The following CEACAM8 variants were observed in gnomAD, a reference collection of about 807,000 sequenced individuals.
CEACAM8 encodes cell adhesion molecule CEACAM8.
A neutral mutation model predicts 33.4 loss-of-function variants in CEACAM8; 31 were observed. The observed-to-expected ratio is 0.93, with a 90% CI of 0.70 to 1.25. CEACAM8 has a LOEUF of 1.25. Among genes scored for constraint, CEACAM8 ranks in the 50% most tolerant of loss-of-function variants. The pLI, the probability that CEACAM8 is intolerant of heterozygous loss-of-function variation, is 0.00. For missense variants in CEACAM8, 388 were observed against 434.6 expected, an observed-to-expected ratio of 0.89 and a Z score of 0.95; for synonymous variants, 138 against 164.5, an observed-to-expected ratio of 0.84 and a Z score of 1.23.
chr19:42,591,061 A>G (rs2042430123), intron 2 of CEACAM8, among the ~76,000 whole-genome samples: 1 of 152,194 alleles, frequency 6.6e-6, no homozygotes, highest in Non-Finnish European at 1.5e-5. Flanking sequence ...AAAATGTGGA[A>G]TTTTGGAGCA....
In CEACAM8 at chr19:42,593,541, G is replaced by T. The variant is rs146875157; in HGVS notation, c.424C>A (p.Pro142Thr). ...EEVTGQFSVH[P>T]ETPKPSISSN... Reference sequence around the variant, plus strand: ...CCAGAGGTCATGGGGAATCACTCACGATGTACGCTGAACTGGCCAGTTACT... The same window carrying T: ...CCAGAGGTCATGGGGAATCACTCACTATGTACGCTGAACTGGCCAGTTACT... The change falls in exon 2 of 6, where the codon CCG becomes ACG. Residue 142 changes from proline (P) to threonine (T), a missense_variant and splice_region_variant. Pro to Thr is a conservative substitution (Grantham distance 38). Transcript: ENST00000244336. The T allele has an allele frequency of 1.9e-4, 294 of 1,557,044 alleles. No individual in the cohort carries two copies. Among genetic ancestry groups the T allele is most frequent in the Admixed American group, 5.5e-5 (3 of 54,646 alleles).
rs560720383 is a variant in CEACAM8 at position 42,588,294 on chromosome 19, T to C, written c.958+490A>G. 9.8e-5 allele frequency among the ~76,000 whole-genome samples: 15 copies of C among 152,296 alleles called. No homozygotes were observed. In the South Asian group the frequency reaches 2.5e-3, roughly 25 times the overall value. ...AGGGCAGGGCCTGTCACCAGGGAGC[T>C]GGGAGCAGAGATGGGAGCAGTCTGA... is the stretch of plus-strand genomic sequence containing the variant. On this transcript the variant is annotated intron_variant, in intron 4 of 5. Coordinates refer to ENST00000244336, the MANE Select transcript of CEACAM8 (RefSeq NM_001816.4).
Position 42,581,180 on chromosome 19 carries a change from C to G in CEACAM8, c.*214G>C, listed in dbSNP as rs560765944. 3 of 151,872 alleles carry G rather than the reference C, an allele frequency of 2.0e-5. No individual in the cohort carries two copies. The highest frequency in any genetic ancestry group is 7.2e-5 in the African/African-American group (3 of 41,380). The allele number at this position is 151,872 out of a possible 1,614,324, so 9.4% of individuals were successfully genotyped here. A position where few individuals can be genotyped will look rare whatever the true frequency, so the allele number is the denominator to read the frequency against. On this transcript the variant is annotated 3_prime_UTR_variant, in exon 6 of 6. Transcript: ENST00000244336. ...TTCTGTGTTTTGGTGGGCAACTTCA[C>G]AAAGGTATCAGCCTGTTTGCAAGTT...
intron 4 of CEACAM8, among the ~76,000 whole-genome samples, chr19:42,587,605 A>G (rs2042357755): frequency 6.6e-6 from 1 of 152,200 alleles, no homozygotes; most frequent in South Asian, 2.1e-4. Context: ...AAGGAGTGAG[A>G]GTTACTCTTT....
rs2042283669 is a variant in CEACAM8 at position 42,583,248 on chromosome 19, A to G, written c.1048T>C (p.Ter350GlnextTer1). 4 of 1,598,738 alleles carry G rather than the reference A, an allele frequency of 2.5e-6. No homozygotes were observed. Among genetic ancestry groups the G allele is most frequent in the Non-Finnish European group, 3.4e-6 (4 of 1,168,052 alleles). ...ATGCAGAAACTACACCAGAGCTACT[A>G]TATCAGAGCCACCCTGGCCAGTACT... is the stretch of plus-strand genomic sequence containing the variant. Reference protein sequence around the residue: ...IGVLARVALI* With the variant: ...IGVLARVALIQ The change falls in exon 5 of 6, where the codon TAG (stop) becomes CAG (glutamine). Residue 350 changes from the stop codon to glutamine (Q), a stop_lost. Transcript: ENST00000244336.
chr19:42,589,911 G>A (rs1291776693), intron 2 of CEACAM8, among the ~76,000 whole-genome samples, 176 bp from the exon 3 acceptor site: 10 of 152,204 alleles, frequency 6.6e-5, no homozygotes, highest in African/African-American at 1.9e-4. Context: ...GAGACCATGA[G>A]GCCGCCTTCT....
At chr19:42,584,285 A>T (rs1264882104) in intron 4 of CEACAM8, among the ~76,000 whole-genome samples, 5 of 152,084 alleles carry the variant, frequency 3.3e-5, no homozygotes, top group Non-Finnish European at 5.9e-5. Context: ...GGCCCTCACC[A>T]GTCAACTCAG....
In CEACAM8 at chr19:42,588,922, T is replaced by C; in HGVS notation, c.820A>G (p.Asn274Asp). ...NPPSQYSWSV[N>D]GTFQQYTQKL... ...TGTGTGTATTGCTGGAATGTGCCAT[T>C]GACAGACCAAGAATACTGTGAGGGT... Residue 274 changes from asparagine (N) to aspartate (D), a missense_variant, in exon 4 of 6, where the codon AAT (asparagine) becomes GAT (aspartate). Physicochemically the swap from Asn to Asp is conservative, Grantham distance 23. Transcript: ENST00000244336. 6.2e-7 allele frequency: 1 copy of C among 1,614,178 alleles called. No individual in the cohort carries two copies. Among genetic ancestry groups the C allele is most frequent in the East Asian group, 2.2e-5 (1 of 44,880 alleles).
chr19:42,582,665 G>A (rs1194217545), intron 5 of CEACAM8, among the ~76,000 whole-genome samples: 4 of 152,148 alleles, frequency 2.6e-5, no homozygotes, highest in African/African-American at 7.2e-5. Flanking sequence ...TAGATGCGCA[G>A]GGAAGTGTAG....
chr19:42,594,884 T>A lies in CEACAM8; in HGVS notation c.-56A>T. The stretch of plus-strand genomic sequence containing the variant: ...GGAGATGAGCCTGGGATCCAGAAAC[T>A]TTCTGAGCACGGCTGTCAGCTGTGC... On this transcript the variant is annotated 5_prime_UTR_variant, in exon 1 of 6. The change creates a new upstream start codon in the 5' untranslated region. Coordinates refer to ENST00000244336, the MANE Select transcript of CEACAM8 (RefSeq NM_001816.4). 6.4e-7 allele frequency: 1 copy of A among 1,563,148 alleles called. No homozygotes were observed. Among genetic ancestry groups the A allele is most frequent in the Admixed American group, 1.8e-5 (1 of 55,136 alleles).
At chr19:42,584,036 C>G (rs1276233370) in intron 4 of CEACAM8, among the ~76,000 whole-genome samples, 1 of 152,206 alleles carries the variant, frequency 6.6e-6, no homozygotes, top group Non-Finnish European at 1.5e-5. Context: ...TCTTGCGTGT[C>G]TAATCTCATC....
At position 42,592,370 on chromosome 19, in the gene CEACAM8, C is replaced by T. The variant is rs181441963; in HGVS notation, c.424+1171G>A. The stretch of plus-strand genomic sequence containing the variant: ...CTGTAATCCCAGCATTTTGGGAGGC[C>T]GAGGCAGGCGGATCATGAGGTCAAG... On this transcript the variant is annotated intron_variant, in intron 2 of 5. Coordinates refer to ENST00000244336, the MANE Select transcript of CEACAM8 (RefSeq NM_001816.4). Among the ~76,000 whole-genome samples the T allele has an allele frequency of 3.9e-3, 595 of 151,990 alleles. 6 individuals are homozygous for T. Among genetic ancestry groups the T allele is most frequent in the African/African-American group, 0.013 (557 of 41,462 alleles).
intron 4 of CEACAM8, 80 bp downstream of exon 4, chr19:42,588,704 A>C: frequency 6.5e-7 from 1 of 1,540,070 alleles, no homozygotes; most frequent in Non-Finnish European, 8.9e-7. Flanking sequence ...TGGGAATAAA[A>C]CTTTTTTTCT....
Position 42,589,448 on chromosome 19 carries a change from G to T in CEACAM8, c.703+9C>A, listed in dbSNP as rs773213224. On this transcript the variant is annotated intron_variant, in intron 3 of 5. Transcript: ENST00000244336. ...TGGCCTGGGCCACAGAGGAACAGAA[G>T]ATACTCACAGAGGACATTCAGGGTG... is the stretch of plus-strand genomic sequence containing the variant. The T allele has an allele frequency of 6.2e-7, 1 of 1,613,970 alleles. No individual in the cohort carries two copies. Among genetic ancestry groups the T allele is most frequent in the African/African-American group, 1.3e-5 (1 of 74,934 alleles).
intron 4 of CEACAM8, among the ~76,000 whole-genome samples, chr19:42,587,134 C>T (rs1312816648): frequency 1.3e-5 from 2 of 152,152 alleles, no homozygotes; most frequent in Admixed American, 6.5e-5. Context: ...AGCTCTAGTG[C>T]ATTGCTGATG....
chr19:42,581,635 T>G (rs1172230124), intron 5 of CEACAM8, among the ~76,000 whole-genome samples: 1 of 151,940 alleles, frequency 6.6e-6, no homozygotes, highest in African/African-American at 2.4e-5. Context: ...CTTATGCCTG[T>G]AATCCCAGCA....
chr19:42,590,471 G>T (rs1159243452), intron 2 of CEACAM8, among the ~76,000 whole-genome samples: 2 of 152,168 alleles, frequency 1.3e-5, no homozygotes, highest in African/African-American at 2.4e-5. Context: ...TTCCCTGCGG[G>T]GGGCAGATGA....
chr19:42,583,421 AG>A, intron 4 of CEACAM8, 84 bp from the exon 5 acceptor site: 1 of 842,382 alleles, frequency 1.2e-6, no homozygotes. Context: ...CCTAGCATGA[AG>A]TAGTCTCTAC....
intron 3 of CEACAM8, 122 bp from the exon 4 acceptor site, chr19:42,589,160 C>T (rs2042387911): frequency 8.0e-7 from 1 of 1,248,558 alleles, no homozygotes; most frequent in South Asian, 1.4e-5. Context: ...TCCCAACCAA[C>T]CCCAACCAAA....
Sources: gnomAD v4.1 joint callset for allele counts (sites outside exome capture counted in the v4.1 genomes callset) on GRCh38, gnomAD v4.1.1 for gene constraint, MANE v1.5 for transcripts, NCBI Gene and HGNC (gene_info 2026-07-23, HGNC 2026-07-21) for gene names.